FBN2: variants seen among roughly 807,000 people sequenced by gnomAD.
The protein encoded by FBN2 is fibrillin 2.
In FBN2, 105 loss-of-function variants were observed where a neutral mutation model predicts 355.6. The ratio of observed to expected loss-of-function variants is 0.30; its 90% confidence interval spans 0.25 to 0.35. The LOEUF (loss-of-function observed/expected upper bound fraction) is 0.35, where lower values mean the gene tolerates loss of function less well. Among genes scored for constraint, FBN2 ranks in the 10% least tolerant of loss-of-function variants. FBN2 has a pLI of 1.00. For missense variants in FBN2, 3,280 were observed against 3,758.7 expected (o/e 0.87, Z 3.33); for synonymous variants, 1,350 against 1,301.2 (o/e 1.04, Z -0.81).
At chr5:128,422,600 T>C (rs1753378087) in intron 7 of FBN2, among the ~76,000 whole-genome samples, 1 of 152,094 alleles carries the variant, frequency 6.6e-6, no homozygotes, top group Non-Finnish European at 1.5e-5. Flanking sequence ...AGAAAGGTGA[T>C]GGAATTAATG....
chr5:128,312,057 G>A (rs781625521), intron 37 of FBN2, 104 bp from the exon 38 acceptor site: 7 of 757,818 alleles, frequency 9.2e-6, no homozygotes, highest in Non-Finnish European at 1.6e-5. Flanking sequence ...TCATCCTAAG[G>A]GGTGTATCCA....
intron 5 of FBN2, among the ~76,000 whole-genome samples, chr5:128,514,423 T>C (rs1361208791): frequency 1.3e-5 from 2 of 152,184 alleles, no homozygotes; most frequent in African/African-American, 2.4e-5. Context: ...TGTGTCTTAT[T>C]GCATCCTCAT....
intron 5 of FBN2, among the ~76,000 whole-genome samples, chr5:128,469,332 C>T (rs943418870): frequency 2.6e-5 from 4 of 152,014 alleles, no homozygotes; most frequent in African/African-American, 9.7e-5. Context: ...GAGATCAAGA[C>T]CATCCTGGCT....
chr5:128,340,855 CT>C (rs1211448646), intron 25 of FBN2, among the ~76,000 whole-genome samples: 1 of 152,026 alleles, frequency 6.6e-6, no homozygotes, highest in Non-Finnish European at 1.5e-5. Flanking sequence ...ATGCAAACTT[CT>C]CTGCTAAGAA....
intron 48 of FBN2, 105 bp from the exon 49 acceptor site, chr5:128,291,759 T>G: frequency 9.3e-7 from 1 of 1,073,458 alleles, no homozygotes; most frequent in Non-Finnish European, 1.4e-6. Context: ...ACAAGAGATA[T>G]TACGTTGTAT....
intron 21 of FBN2, 97 bp from the exon 22 acceptor site, chr5:128,350,102 A>G (rs1035449589): frequency 1.9e-6 from 2 of 1,057,568 alleles, no homozygotes; most frequent in East Asian, 5.0e-5. Context: ...ATGGAACTAA[A>G]TAAAAAATGC....
At chr5:128,387,054 G>A (rs1181719587) in intron 11 of FBN2, among the ~76,000 whole-genome samples, 4 of 152,102 alleles carry the variant, frequency 2.6e-5, no homozygotes, top group Non-Finnish European at 5.9e-5. Context: ...GAATTTGTCT[G>A]TGAATCCTTC....
intron 7 of FBN2, among the ~76,000 whole-genome samples, chr5:128,436,578 AC>A (rs2127039591): frequency 6.6e-6 from 1 of 152,170 alleles, no homozygotes; most frequent in South Asian, 2.1e-4. Flanking sequence ...AGATAGGAAA[AC>A]GGTAACCCTA....
intron 6 of FBN2, among the ~76,000 whole-genome samples, chr5:128,462,542 T>C (rs887643434): frequency 6.6e-6 from 1 of 152,214 alleles, no homozygotes; most frequent in African/African-American, 2.4e-5. Context: ...CCTGTTACTG[T>C]GTTAATCCCT....
At chr5:128,281,985 C>T (rs749926643) in intron 55 of FBN2, among the ~76,000 whole-genome samples, 21 of 152,198 alleles carry the variant, frequency 1.4e-4, no homozygotes, top group African/African-American at 2.2e-4. Flanking sequence ...CCACCGTGCC[C>T]GGCAGGTAAT....
intron 8 of FBN2, among the ~76,000 whole-genome samples, chr5:128,403,853 A>G (rs1012904455): frequency 3.9e-5 from 6 of 152,150 alleles, no homozygotes; most frequent in Non-Finnish European, 8.8e-5. Flanking sequence ...GCGGAAAATT[A>G]TCGTGTCTTA....
intron 4 of FBN2, among the ~76,000 whole-genome samples, chr5:128,525,622 ATT>A (rs1287129217): frequency 2.0e-5 from 3 of 152,058 alleles, no homozygotes; most frequent in African/African-American, 7.2e-5. Context: ...GCCTCAACGT[ATT>A]GTATTCTCTT....
chr5:128,333,292 T>C (rs1750741958), intron 31 of FBN2, among the ~76,000 whole-genome samples: 1 of 152,172 alleles, frequency 6.6e-6, no homozygotes. Flanking sequence ...ACAGCAGTGT[T>C]GCTCCCCGGC....
At chr5:128,422,251 A>G (rs1395544031) in intron 7 of FBN2, among the ~76,000 whole-genome samples, 1 of 152,204 alleles carries the variant, frequency 6.6e-6, no homozygotes, top group Non-Finnish European at 1.5e-5. Flanking sequence ...ATGACAGCAA[A>G]AAGAAACTAG....
chr5:128,507,434 T>C (rs1438652760), intron 5 of FBN2, among the ~76,000 whole-genome samples: 5 of 152,006 alleles, frequency 3.3e-5, no homozygotes, highest in Non-Finnish European at 7.4e-5. Context: ...AGATTACCAA[T>C]AGTACATAAT....
chr5:128,462,570 G>A (rs1480886546), intron 6 of FBN2, among the ~76,000 whole-genome samples: 1 of 152,104 alleles, frequency 6.6e-6, no homozygotes, highest in African/African-American at 2.4e-5. Flanking sequence ...TTAGGCAAAT[G>A]GAGCCTGAAA....
At chr5:128,282,504 A>T (rs920498130) in intron 55 of FBN2, among the ~76,000 whole-genome samples, 1 of 151,868 alleles carries the variant, frequency 6.6e-6, no homozygotes, top group Non-Finnish European at 1.5e-5. Context: ...AGAACTCAGG[A>T]TATACTGCCT....
intron 5 of FBN2, among the ~76,000 whole-genome samples, chr5:128,498,046 C>A (rs1437251791): frequency 6.6e-6 from 1 of 152,162 alleles, no homozygotes. Flanking sequence ...AGGAGAGAGG[C>A]ATGGCAGAGC....
intron 5 of FBN2, among the ~76,000 whole-genome samples, chr5:128,480,168 ATATATAT>A (rs1408025223): frequency 6.9e-6 from 1 of 144,528 alleles, no homozygotes; most frequent in Non-Finnish European, 1.5e-5. Flanking sequence ...CAGAGAGAAT[ATATATAT>A]TATATATTTT....
Sources: allele counts gnomAD v4.1 joint callset (sites outside exome capture counted in the v4.1 genomes callset), GRCh38; gene constraint gnomAD v4.1.1; transcripts MANE v1.5; gene names NCBI Gene and HGNC (gene_info 2026-07-23, HGNC 2026-07-21).